Variants in SNAP91 observed in about 807,000 individuals in gnomAD.
SNAP91 encodes the protein clathrin coat assembly protein AP180.
A neutral mutation model predicts 100.3 loss-of-function variants in SNAP91; 27 were observed. The observed-to-expected ratio is 0.27, with a 90% CI of 0.20 to 0.37. The LOEUF is 0.37. SNAP91 is among the 10% of genes least tolerant of loss of function. SNAP91 has a pLI of 1.00. For synonymous variants in SNAP91, 404 were observed against 398.6 expected (o/e 1.01, Z -0.16); for missense variants, 986 against 1,123.7 (o/e 0.88, Z 1.75).
At chr6:83,663,929 T>C (rs1046868375) in intron 3 of SNAP91, among the ~76,000 whole-genome samples, 2 of 152,096 alleles carry the variant, frequency 1.3e-5, no homozygotes, top group South Asian at 4.1e-4. Flanking sequence ...TGACATGAAG[T>C]GAAAGTCAAT....
intron 26 of SNAP91, among the ~76,000 whole-genome samples, chr6:83,563,640 T>A (rs960797028): frequency 1.3e-5 from 2 of 152,204 alleles, no homozygotes; most frequent in Non-Finnish European, 2.9e-5. Context: ...CTGTCAAAGC[T>A]AATAAACATG....
intron 2 of SNAP91, among the ~76,000 whole-genome samples, chr6:83,669,296 A>G (rs2098741483): frequency 6.6e-6 from 1 of 151,908 alleles, no homozygotes; most frequent in Non-Finnish European, 1.5e-5. Flanking sequence ...CTACTCTCTC[A>G]CCAAAAAGAT....
At chr6:83,700,169 A>G (rs2099273287) in intron 2 of SNAP91, among the ~76,000 whole-genome samples, 1 of 152,226 alleles carries the variant, frequency 6.6e-6, no homozygotes. Context: ...GGAAGAAAAA[A>G]GAGATATTGA....
At chr6:83,644,776 C>G (rs866202509) in intron 7 of SNAP91, among the ~76,000 whole-genome samples, 7 of 152,120 alleles carry the variant, frequency 4.6e-5, no homozygotes, top group Non-Finnish European at 1.0e-4. Context: ...ATTTATAGCA[C>G]CAATATTGAT....
At chr6:83,707,734 G>A in intron 2 of SNAP91, 64 bp downstream of exon 2, 2 of 1,591,108 alleles carry the variant, frequency 1.3e-6, no homozygotes, top group Non-Finnish European at 8.5e-7. Flanking sequence ...AGCGCAGGCC[G>A]CACCACCAGC....
Position 83,593,622 on chromosome 6 carries a change from C to T in SNAP91, c.1552G>A (p.Val518Ile). 6.2e-7 allele frequency: 1 copy of T among 1,607,714 alleles called. No individual in the cohort carries two copies. The highest frequency in any genetic ancestry group is 8.5e-7 in the Non-Finnish European group (1 of 1,176,914). The change falls in exon 18 of 30, where the codon GTT becomes ATT. Residue 518 changes from valine (V) to isoleucine (I), a missense_variant. This residue lies in a region of SNAP91 where 575 missense variants were observed against 579.9 expected (regional missense o/e 0.99). Transcript: ENST00000369694. ...VTPTASTAPP[V>I]PATAPSPAPA... Reference sequence around the variant, plus strand: ...GCAGGAGAAGGAGCAGTTGCGGGAACTGGAGGGGCTGTGCTAGCTGTAGGG... The same window carrying T: ...GCAGGAGAAGGAGCAGTTGCGGGAATTGGAGGGGCTGTGCTAGCTGTAGGG...
chr6:83,649,069 C>A (rs1292105135), intron 7 of SNAP91, among the ~76,000 whole-genome samples: 1 of 152,130 alleles, frequency 6.6e-6, no homozygotes, highest in East Asian at 1.9e-4. Flanking sequence ...GCCAATAATT[C>A]TTTTGATTTC....
intron 7 of SNAP91, among the ~76,000 whole-genome samples, chr6:83,641,646 G>A (rs1271925921): frequency 1.3e-5 from 2 of 151,966 alleles, no homozygotes; most frequent in East Asian, 3.9e-4. Flanking sequence ...AAACCTTCCT[G>A]AATTAAAGAA....
chr6:83,679,421 A>G (rs2098956365), intron 2 of SNAP91, among the ~76,000 whole-genome samples: 1 of 152,204 alleles, frequency 6.6e-6, no homozygotes, highest in South Asian at 2.1e-4. Flanking sequence ...CTGAGACTAC[A>G]TTTGCTGATA....
intron 7 of SNAP91, among the ~76,000 whole-genome samples, chr6:83,644,655 C>G (rs909007780): frequency 7.9e-5 from 12 of 152,146 alleles, no homozygotes; most frequent in African/African-American, 2.7e-4. Context: ...ATTATCATCT[C>G]TGAGAGACAA....
At chr6:83,605,644 A>T in intron 14 of SNAP91, 41 bp downstream of exon 14, 1 of 1,548,756 alleles carries the variant, frequency 6.5e-7, no homozygotes, top group Non-Finnish European at 8.7e-7. Context: ...CAATGAAATA[A>T]AATGAATAGA....
chr6:83,623,807 T>A (rs1170830218), intron 8 of SNAP91, among the ~76,000 whole-genome samples: 1 of 152,148 alleles, frequency 6.6e-6, no homozygotes, highest in Non-Finnish European at 1.5e-5. Flanking sequence ...AGTTTCTTTA[T>A]GTATATTCAA....
At chr6:83,690,456 C>G in intron 2 of SNAP91, 2 of 1,242,438 alleles carry the variant, frequency 1.6e-6, no homozygotes, top group Non-Finnish European at 2.1e-6. Flanking sequence ...CAATGCAGCT[C>G]AGTTACACAT....
At chr6:83,570,946 C>T (rs1806342306) in intron 26 of SNAP91, among the ~76,000 whole-genome samples, 1 of 152,062 alleles carries the variant, frequency 6.6e-6, no homozygotes, top group African/African-American at 2.4e-5. Context: ...AGAAGAAGGC[C>T]ACTGTCCTCC....
chr6:83,560,858 A>G lies in SNAP91; in HGVS notation c.2526+6T>C. 6.2e-7 allele frequency: 1 copy of G among 1,612,634 alleles called. No homozygotes were observed. Among genetic ancestry groups the G allele is most frequent in the East Asian group, 2.2e-5 (1 of 44,862 alleles). ...ATTACAATTTTTAGCACACGTCATC[A>G]CTCACCATTCCAAATCCTGCTCCAG... On this transcript the variant is annotated splice_donor_region_variant and intron_variant, in intron 27 of 29. Transcript: ENST00000369694.
In SNAP91 at chr6:83,707,673, T is replaced by G. The variant is rs1303717456; in HGVS notation, c.130+125A>C. 6 of 1,319,194 alleles carry G rather than the reference T, an allele frequency of 4.5e-6. 1 individual carries two copies. The highest frequency in any genetic ancestry group is 2.6e-5 in the East Asian group (1 of 38,628). 81.7% of individuals were successfully genotyped at this position (1,319,194 alleles called of 1,614,324 possible). A position where few individuals can be genotyped will look rare whatever the true frequency, so the allele number is the denominator to read the frequency against. On this transcript the variant is annotated intron_variant, in intron 2 of 29. Coordinates refer to ENST00000369694, the MANE Select transcript of SNAP91 (RefSeq NM_001242792.2). The stretch of plus-strand genomic sequence containing the variant: ...ACCTTCACAGCTGAAGAATTTCAGC[T>G]CAGGGGCAACCTGGCTGGGAGTATC...
intron 26 of SNAP91, among the ~76,000 whole-genome samples, chr6:83,567,813 A>G (rs555885003): frequency 2.0e-5 from 3 of 151,794 alleles, no homozygotes; most frequent in Non-Finnish European, 2.9e-5. Context: ...TCTCACACCA[A>G]TTAGGATGGC....
chr6:83,625,591 T>C (rs774837900), intron 8 of SNAP91, among the ~76,000 whole-genome samples: 3 of 152,184 alleles, frequency 2.0e-5, no homozygotes, highest in South Asian at 2.1e-4. Context: ...GGGTGTAAGA[T>C]AGTATCTCAC....
intron 26 of SNAP91, among the ~76,000 whole-genome samples, chr6:83,568,954 G>A (rs189695992): frequency 4.6e-5 from 7 of 152,298 alleles, no homozygotes; most frequent in African/African-American, 1.7e-4. Flanking sequence ...AAGGTTGGAA[G>A]AGATCAACTG....
Sources: allele counts gnomAD v4.1 joint callset (sites outside exome capture counted in the v4.1 genomes callset), GRCh38; gene constraint gnomAD v4.1.1; regional missense constraint gnomAD v4.1.1; transcripts MANE v1.5; gene names NCBI Gene and HGNC (gene_info 2026-07-23, HGNC 2026-07-21).